Variants in ZNF804B observed in about 807,000 individuals in gnomAD.
ZNF804B encodes zinc finger protein 804B, also known as zinc finger 804B.
ZNF804B carries 80 observed loss-of-function variants against 101.4 expected under a neutral mutation model. The ratio of observed to expected loss-of-function variants is 0.79; its 90% CI spans 0.66 to 0.95. The LOEUF (loss-of-function observed/expected upper bound fraction) is 0.95, where lower values mean the gene tolerates loss of function less well. Ranked by LOEUF, ZNF804B falls within the 40% of genes least tolerant of loss-of-function variation. The pLI, the probability that ZNF804B is intolerant of heterozygous loss-of-function variation, is 0.00. For missense variants in ZNF804B, 1,673 were observed against 1,561.9 expected, an observed-to-expected ratio of 1.07 and a Z score of -1.20; for synonymous variants, 622 against 558.8, an observed-to-expected ratio of 1.11 and a Z score of -1.59.
chr7:89,309,793 AAAAAGAAG>A (rs1790622177), intron 2 of ZNF804B, among the ~76,000 whole-genome samples: 1 of 137,288 alleles, frequency 7.3e-6, no homozygotes, highest in African/African-American at 2.7e-5. Context: ...AAAAAAAAAA[AAAAAGAAG>A]CAGTATGCTT....
intron 1 of ZNF804B, among the ~76,000 whole-genome samples, chr7:88,946,321 G>A (rs113459571): frequency 4.6e-5 from 7 of 151,166 alleles, no homozygotes; most frequent in African/African-American, 1.5e-4. Context: ...GAATTTTATC[G>A]AAGGCCTTTT....
chr7:88,823,036 C>T (rs1268735422), intron 1 of ZNF804B, among the ~76,000 whole-genome samples: 1 of 151,942 alleles, frequency 6.6e-6, no homozygotes, highest in East Asian at 1.9e-4. Flanking sequence ...TGGTGAAACC[C>T]CATCTCTACA....
chr7:88,854,437 T>TTCTTTC (rs1426494639), intron 1 of ZNF804B, among the ~76,000 whole-genome samples: 4 of 125,870 alleles, frequency 3.2e-5, no homozygotes, highest in African/African-American at 6.2e-5. Flanking sequence ...CTTTCTTTCT[T>TTCTTTC]TCTTTCTTTC....
intron 1 of ZNF804B, among the ~76,000 whole-genome samples, chr7:89,124,436 G>A (rs952009655): frequency 1.3e-5 from 2 of 152,122 alleles, no homozygotes; most frequent in Non-Finnish European, 2.9e-5. Flanking sequence ...AACAAAGGCT[G>A]TTTTCCTAGT....
rs761498989 is a variant in ZNF804B, at chr7:89,335,259, G to A, written c.2277G>A (p.Lys759=). Residue 759 remains lysine (K), a synonymous_variant, in exon 4 of 4, where the codon AAG becomes AAA. Coordinates refer to ENST00000333190, the MANE Select transcript of ZNF804B (RefSeq NM_181646.5). ...AAAGGCACAAACGGAAATGTCTAAA[G>A]CACAACTGCTTCTACTTGTCTGATG... The part of the protein sequence containing the change: ...SVERHKRKCL[K]HNCFYLSDDI... 1.2e-6 allele frequency: 2 copies of A among 1,613,786 alleles called. No individual in the cohort carries two copies. The highest frequency in any genetic ancestry group is 2.2e-5 in the South Asian group (2 of 91,078).
chr7:89,057,657 A>G (rs1294415577), intron 1 of ZNF804B, among the ~76,000 whole-genome samples: 2 of 152,046 alleles, frequency 1.3e-5, no homozygotes, highest in Non-Finnish European at 2.9e-5. Context: ...GGATGAAGAG[A>G]GGTGAGGCTG....
intron 1 of ZNF804B, among the ~76,000 whole-genome samples, chr7:89,169,570 C>T (rs1280944423): frequency 6.6e-6 from 1 of 152,182 alleles, no homozygotes; most frequent in East Asian, 1.9e-4. Context: ...TCCTGTCTCT[C>T]AATAGGAATG....
intron 1 of ZNF804B, among the ~76,000 whole-genome samples, chr7:88,848,901 C>T (rs1442663741): frequency 2.0e-5 from 3 of 151,934 alleles, no homozygotes; most frequent in Non-Finnish European, 2.9e-5. Flanking sequence ...AGAAAAAGTC[C>T]TTGTAAGTTC....
chr7:89,004,014 G>A (rs1649211188), intron 1 of ZNF804B, among the ~76,000 whole-genome samples: 1 of 147,618 alleles, frequency 6.8e-6, no homozygotes, highest in South Asian at 2.1e-4. Context: ...CAAAAAGAGA[G>A]GAGTTTTGCA....
intron 1 of ZNF804B, among the ~76,000 whole-genome samples, chr7:88,911,993 T>C (rs1279560953): frequency 3.9e-5 from 6 of 152,096 alleles, no homozygotes; most frequent in Admixed American, 1.3e-4. Flanking sequence ...CCTATAAATA[T>C]ACAGTAATTT....
intron 1 of ZNF804B, among the ~76,000 whole-genome samples, chr7:89,183,780 G>A (rs2057677): frequency 0.45 from 68,631 of 152,018 alleles, 15,883 homozygotes; most frequent in South Asian, 0.55. Context: ...TTATTTATGC[G>A]TCTGTCTGCA....
chr7:89,299,485 T>G (rs1450843489), intron 2 of ZNF804B, among the ~76,000 whole-genome samples: 1 of 152,122 alleles, frequency 6.6e-6, no homozygotes, highest in Admixed American at 6.6e-5. Flanking sequence ...CTGATTACTA[T>G]TTCAGTTTTA....
Position 89,173,659 on chromosome 7 carries a change from G to A in ZNF804B, c.109-44496G>A, listed in dbSNP as rs190892634. Among the ~76,000 whole-genome samples, 11 of 152,088 alleles carry A rather than the reference G, an allele frequency of 7.2e-5. No individual in the cohort carries two copies. In the East Asian group the frequency reaches 1.7e-3, roughly 24 times the overall value. ...ATGAATGGCTCTGAAAACCATAAAT[G>A]TGAGCAAAAGAAACCAGACACATAT... is the stretch of plus-strand genomic sequence containing the variant. On this transcript the variant is annotated intron_variant, in intron 1 of 3. Transcript: ENST00000333190.
intron 1 of ZNF804B, among the ~76,000 whole-genome samples, chr7:89,151,016 C>T (rs1356781878): frequency 2.0e-5 from 3 of 152,150 alleles, no homozygotes; most frequent in Admixed American, 2.0e-4. Flanking sequence ...TGACTTTGTA[C>T]ATCAGAACTA....
At chr7:89,003,701 A>G (rs796178818) in intron 1 of ZNF804B, among the ~76,000 whole-genome samples, 13 of 152,106 alleles carry the variant, frequency 8.5e-5, no homozygotes, top group African/African-American at 3.1e-4. Flanking sequence ...GTTCAGATTC[A>G]AAGCCAAGTG....
chr7:89,191,476 A>G (rs1334102346), intron 1 of ZNF804B, among the ~76,000 whole-genome samples: 1 of 152,116 alleles, frequency 6.6e-6, no homozygotes, highest in African/African-American at 2.4e-5. Flanking sequence ...ATAAACCCTG[A>G]TAGAGTGTAA....
intron 2 of ZNF804B, among the ~76,000 whole-genome samples, chr7:89,241,893 CT>C (rs76245356): frequency 5.6e-3 from 742 of 133,446 alleles, no homozygotes; most frequent in African/African-American, 9.8e-3. Context: ...CTACCTTTTT[CT>C]TTTTTTTTTT....
intron 1 of ZNF804B, among the ~76,000 whole-genome samples, chr7:88,962,708 CATATATATATATATATAT>C (rs71120046): frequency 0.14 from 11,557 of 84,274 alleles, 801 homozygotes; most frequent in East Asian, 0.25. Context: ...GTTAAACTCA[CATATATATATATATATAT>C]ATATATATAT....
At chr7:89,330,460 C>A (rs1277939012) in intron 3 of ZNF804B, among the ~76,000 whole-genome samples, 1 of 151,424 alleles carries the variant, frequency 6.6e-6, no homozygotes, top group East Asian at 1.9e-4. Context: ...ACATTGTATA[C>A]CTTGAATATA....
Sources: gnomAD v4.1 joint callset for allele counts (sites outside exome capture counted in the v4.1 genomes callset) on GRCh38, gnomAD v4.1.1 for gene constraint, MANE v1.5 for transcripts, NCBI Gene and HGNC (gene_info 2026-07-23, HGNC 2026-07-21) for gene names.